The following CEP112 variants were observed in gnomAD, a reference collection of about 807,000 sequenced individuals.
CEP112 encodes centrosomal protein 112.
A neutral mutation model predicts 153.0 loss-of-function variants in CEP112; 127 were observed. That is an observed-to-expected ratio of 0.83 (90% CI 0.72 to 0.96). The LOEUF (loss-of-function observed/expected upper bound fraction) is 0.96, where lower values mean the gene tolerates loss of function less well. CEP112 is among the 40% of genes least tolerant of loss of function. The pLI is 0.00. For synonymous variants in CEP112, 358 were observed against 374.4 expected (o/e 0.96, Z 0.51); for missense variants, 1,089 against 1,101.2 (o/e 0.99, Z 0.16).
intron 8 of CEP112, among the ~76,000 whole-genome samples, chr17:66,086,404 T>C (rs1388641038): frequency 3.9e-5 from 4 of 101,964 alleles, no homozygotes; most frequent in East Asian, 2.6e-4. Flanking sequence ...TTTTTTTTTT[T>C]TTTTTTTTTT....
chr17:65,909,832 C>A lies in CEP112; in HGVS notation c.1981-7498G>T, dbSNP rs375839010. Among the ~76,000 whole-genome samples, 22 of 152,134 alleles carry A rather than the reference C, an allele frequency of 1.4e-4. No homozygotes were observed. The East Asian group carries it at 3.1e-3, about 21-fold the overall frequency. On this transcript the variant is annotated intron_variant, in intron 19 of 26. Transcript: ENST00000535342. ...TGAGACATACTCTTTTGTCCCTATA[C>A]CCTAGAAGTAGAACTGGTAAGTTGA...
chr17:65,927,567 A>G lies in CEP112; in HGVS notation c.1980+15T>C. 2 of 1,481,892 alleles carry G rather than the reference A, an allele frequency of 1.3e-6. No homozygotes were observed. Among genetic ancestry groups the G allele is most frequent in the Non-Finnish European group, 1.8e-6 (2 of 1,085,742 alleles). The allele number at this position is 1,481,892 out of a possible 1,614,324, so 91.8% of individuals were successfully genotyped here. A position where few individuals can be genotyped will look rare whatever the true frequency, so the allele number is the denominator to read the frequency against. On this transcript the variant is annotated intron_variant, in intron 19 of 26. Coordinates refer to ENST00000535342, the MANE Select transcript of CEP112 (RefSeq NM_001199165.4). ...TTTTAAAAATTTAATGGCAGCATCA[A>G]AATGAAAGACCAACCTGTTGTTCAT...
chr17:65,817,788 T>C lies in CEP112; in HGVS notation c.2394+34016A>G, dbSNP rs9890447. On this transcript the variant is annotated intron_variant, in intron 21 of 26. Transcript: ENST00000535342. ...TGAAACACCACTCTGGAAACTTTTA[T>C]AGTATTTTATTTTCAGCTTATAACC... Among the ~76,000 whole-genome samples the C allele has an allele frequency of 3.2e-3, 479 of 151,982 alleles. 3 individuals are homozygous for C. The highest frequency in any genetic ancestry group is 0.011 in the African/African-American group (455 of 41,552).
chr17:66,078,720 T>C (rs1470990413), intron 8 of CEP112, among the ~76,000 whole-genome samples: 1 of 152,200 alleles, frequency 6.6e-6, no homozygotes, highest in African/African-American at 2.4e-5. Context: ...TTACAGGTCC[T>C]GTGTGATTTA....
intron 24 of CEP112, among the ~76,000 whole-genome samples, chr17:65,673,718 A>G (rs1431731610): frequency 6.6e-6 from 1 of 152,216 alleles, no homozygotes; most frequent in Admixed American, 6.5e-5. Flanking sequence ...GTACCTTCCT[A>G]AGCAAGCTTG....
intron 5 of CEP112, among the ~76,000 whole-genome samples, chr17:66,130,842 T>C (rs8065323): frequency 0.54 from 81,599 of 150,042 alleles, 23,021 homozygotes; most frequent in Middle Eastern, 0.58. Context: ...AACAATTCCA[T>C]GCTTTTTTCC....
At chr17:65,674,002 G>A (rs894374939) in intron 24 of CEP112, among the ~76,000 whole-genome samples, 2 of 152,124 alleles carry the variant, frequency 1.3e-5, no homozygotes, top group African/African-American at 2.4e-5. Flanking sequence ...TCAGTCTCCC[G>A]AGTAGCTGGG....
chr17:65,755,194 G>A (rs947750088), intron 21 of CEP112, among the ~76,000 whole-genome samples: 3 of 152,168 alleles, frequency 2.0e-5, no homozygotes, highest in Admixed American at 6.6e-5. Context: ...GTTCTGCAGG[G>A]TGTACGGGAA....
At chr17:65,779,671 T>C (rs545090380) in intron 21 of CEP112, among the ~76,000 whole-genome samples, 1 of 152,298 alleles carries the variant, frequency 6.6e-6, no homozygotes, top group South Asian at 2.1e-4. Flanking sequence ...GACTGAATCA[T>C]GTTAGATGGT....
chr17:65,981,491 C>T (rs1287392699), intron 17 of CEP112, among the ~76,000 whole-genome samples: 1 of 152,176 alleles, frequency 6.6e-6, no homozygotes, highest in South Asian at 2.1e-4. Flanking sequence ...AACACACAGG[C>T]TTAAGTCCAA....
At chr17:65,796,520 T>G (rs1171601553) in intron 21 of CEP112, among the ~76,000 whole-genome samples, 1 of 152,120 alleles carries the variant, frequency 6.6e-6, no homozygotes, top group African/African-American at 2.4e-5. Flanking sequence ...AGAAATCAGA[T>G]ACTAAACTCT....
intron 21 of CEP112, among the ~76,000 whole-genome samples, chr17:65,813,354 T>C (rs1163381207): frequency 6.6e-6 from 1 of 152,078 alleles, no homozygotes; most frequent in Non-Finnish European, 1.5e-5. Context: ...GTGTGGGCAA[T>C]GAGGAATTAG....
rs116811836 is a variant in CEP112, at chr17:65,771,930, G to T, written c.2395-21206C>A. ...TAGCTACTTGGGAGTTGGGAGGTGG[G>T]AGGGTTGCTTGAGCCCAGGAGTTTG... is the stretch of plus-strand genomic sequence containing the variant. On this transcript the variant is annotated intron_variant, in intron 21 of 26. Transcript: ENST00000535342. Among the ~76,000 whole-genome samples the T allele has an allele frequency of 9.7e-3, 1,476 of 152,082 alleles. 23 individuals are homozygous for T. The highest frequency in any genetic ancestry group is 0.034 in the African/African-American group (1,398 of 41,446).
chr17:65,729,909 TCTCA>T (rs2050401962), intron 23 of CEP112, among the ~76,000 whole-genome samples: 1 of 123,668 alleles, frequency 8.1e-6, no homozygotes, highest in Non-Finnish European at 1.7e-5. Context: ...CGAGATCCTG[TCTCA>T]AACAAACAAA....
intron 15 of CEP112, 74 bp downstream of exon 15, chr17:66,028,239 A>G: frequency 1.2e-6 from 1 of 821,072 alleles, no homozygotes; most frequent in Non-Finnish European, 2.0e-6. Context: ...TTTTTAATTG[A>G]CTCTCAATGA....
intron 16 of CEP112, among the ~76,000 whole-genome samples, chr17:66,025,365 T>C (rs182953756): frequency 2.0e-5 from 3 of 152,214 alleles, no homozygotes; most frequent in South Asian, 4.1e-4. Context: ...GAGAACATAT[T>C]TGCAAACTAT....
intron 18 of CEP112, 132 bp downstream of exon 18, chr17:65,961,331 T>G (rs1465244410): frequency 9.7e-6 from 8 of 828,336 alleles, no homozygotes. Flanking sequence ...TCTGAATCTC[T>G]GACCCGATTG....
Position 66,023,769 on chromosome 17 carries a change from A to G in CEP112, c.1656+3732T>C, listed in dbSNP as rs150182726. ...AACAACTAGATAACATTATAACAAG[A>G]AAAAAACTCACATATGAATATTAGC... On this transcript the variant is annotated intron_variant, in intron 16 of 26. Transcript: ENST00000535342. 8.6e-3 allele frequency among the ~76,000 whole-genome samples: 1,312 copies of G among 152,278 alleles called. 16 individuals are homozygous for G. Among genetic ancestry groups the G allele is most frequent in the African/African-American group, 0.03 (1,257 of 41,570 alleles).
At chr17:65,730,314 C>G (rs1397353506) in intron 23 of CEP112, among the ~76,000 whole-genome samples, 1 of 152,204 alleles carries the variant, frequency 6.6e-6, no homozygotes, top group Non-Finnish European at 1.5e-5. Context: ...GCTATTGCTT[C>G]TCCTTGCTCT....
Sources: allele counts gnomAD v4.1 joint callset (sites outside exome capture counted in the v4.1 genomes callset), GRCh38; gene constraint gnomAD v4.1.1; transcripts MANE v1.5; gene names NCBI Gene and HGNC (gene_info 2026-07-23, HGNC 2026-07-21).